Variants in JAK1 observed in about 807,000 individuals in gnomAD.
JAK1 encodes Janus kinase 1, also known as tyrosine-protein kinase JAK1.
A neutral mutation model predicts 136.6 loss-of-function variants in JAK1; 16 were observed. The observed-to-expected ratio is 0.12, with a 90% CI of 0.08 to 0.18. The LOEUF is 0.18. Ranked by LOEUF, JAK1 falls within the 10% of genes least tolerant of loss-of-function variation. The pLI is 1.00. For synonymous variants in JAK1, 492 were observed against 519.5 expected (o/e 0.95, Z 0.72); for missense variants, 859 against 1,450.1 (o/e 0.59, Z 6.62).
intron 2 of JAK1, among the ~76,000 whole-genome samples, chr1:64,981,971 A>G (rs1298020655): frequency 1.3e-5 from 2 of 152,186 alleles, no homozygotes; most frequent in Admixed American, 6.5e-5. Flanking sequence ...TGGAGATGTA[A>G]AAAGAAAGTT....
At chr1:64,933,625 T>G (rs6588107) in intron 1 of JAK1, among the ~76,000 whole-genome samples, 106,445 of 152,070 alleles carry the variant, frequency 0.7, 40,583 homozygotes, top group Middle Eastern at 0.92. Context: ...TGACACATCG[T>G]ATGCCCTTCT....
chr1:64,839,401 G>A (rs1391726676), intron 20 of JAK1: 1 of 412,886 alleles, frequency 2.4e-6, no homozygotes, highest in Middle Eastern at 5.4e-4. Context: ...CCTGGATGGA[G>A]GGGCCTGGGT....
chr1:64,968,137 T>G (rs918249192), upstream of JAK1, among the ~76,000 whole-genome samples: 2 of 151,804 alleles, frequency 1.3e-5, no homozygotes, highest in African/African-American at 4.8e-5. Context: ...CAGGTGAGGA[T>G]GTAAAGAAAA....
chr1:64,860,826 C>CTCTGTGTGTGTGTGTG (rs1362599251), intron 8 of JAK1, among the ~76,000 whole-genome samples: 54 of 120,550 alleles, frequency 4.5e-4, no homozygotes, highest in Admixed American at 1.1e-3. Flanking sequence ...TCAGATGACT[C>CTCTGTGTGTGTGTGTG]TGTGTGTGTG....
intron 2 of JAK1, 35 bp downstream of exon 2, chr1:64,886,224 A>C: frequency 7.2e-7 from 1 of 1,395,418 alleles, no homozygotes; most frequent in South Asian, 1.2e-5. Context: ...AAAGCCAGAT[A>C]TTTTCCTTTT....
intron 9 of JAK1, 61 bp from the exon 10 acceptor site, chr1:64,857,840 G>T: frequency 6.3e-7 from 1 of 1,596,600 alleles, no homozygotes; most frequent in Non-Finnish European, 8.6e-7. Context: ...TTGAACCTCT[G>T]GGCTATCCAC....
At chr1:64,910,412 T>C (rs1253697581) in intron 1 of JAK1, among the ~76,000 whole-genome samples, 2 of 152,198 alleles carry the variant, frequency 1.3e-5, no homozygotes, top group African/African-American at 4.8e-5. Flanking sequence ...AAAATGTTAT[T>C]TGAGGAATGA....
At chr1:64,882,977 A>G (rs1028376386) in intron 3 of JAK1, among the ~76,000 whole-genome samples, 1 of 152,030 alleles carries the variant, frequency 6.6e-6, no homozygotes, top group African/African-American at 2.4e-5. Context: ...ATGTGGGGAA[A>G]TGAGAACTGA....
In JAK1 at chr1:64,982,124, GCACAC is replaced by G. The variant is rs1557741669; in HGVS notation, c.-78+62351_-78+62355del. Reference sequence around the variant, plus strand: ...CACGCACACACACACGCACACACACGCACACACACACACATACAACCAGGGAAGCA... The same window carrying G: ...CACGCACACACACACGCACACACACGACACACACATACAACCAGGGAAGCA... On this transcript the variant is annotated intron_variant, in intron 2 of 25. Coordinates refer to the JAK1 transcript ENST00000671954. Among the ~76,000 whole-genome samples, 12 of 113,220 alleles carry G rather than the reference GCACAC, an allele frequency of 1.1e-4. No individual in the cohort carries two copies. The Admixed American group carries it at 1.1e-3, about 10-fold the overall frequency. 74.3% of individuals were successfully genotyped at this position (113,220 alleles called of 152,430 possible).
intron 1 of JAK1, among the ~76,000 whole-genome samples, chr1:64,936,668 G>A (rs1211105593): frequency 2.0e-5 from 3 of 152,152 alleles, no homozygotes; most frequent in Non-Finnish European, 4.4e-5. Flanking sequence ...CCACTTACTA[G>A]CTCTGTGATC....
intron 1 of JAK1, among the ~76,000 whole-genome samples, chr1:64,951,100 A>G (rs1199234434): frequency 2.6e-5 from 4 of 152,248 alleles, no homozygotes; most frequent in South Asian, 2.1e-4. Context: ...CCTGTTCTCC[A>G]TGACTTCTTA....
intron 2 of JAK1, among the ~76,000 whole-genome samples, chr1:65,018,904 G>C (rs576905717): frequency 3.3e-5 from 5 of 152,088 alleles, no homozygotes; most frequent in Admixed American, 6.5e-5. Context: ...CCAGCTACTC[G>C]GGAGGCTGAG....
chr1:64,900,457 G>T (rs951943494), intron 1 of JAK1, among the ~76,000 whole-genome samples: 6 of 152,124 alleles, frequency 3.9e-5, no homozygotes, highest in Non-Finnish European at 7.4e-5. Flanking sequence ...TTCATGAAGA[G>T]AAGAAAACAA....
intron 1 of JAK1, among the ~76,000 whole-genome samples, chr1:64,955,728 A>G (rs145252455): frequency 3.7e-4 from 57 of 152,354 alleles, no homozygotes; most frequent in African/African-American, 1.3e-3. Flanking sequence ...GCACATGGAC[A>G]TAGAGTGCGC....
chr1:64,861,134 G>A (rs1656310073), intron 8 of JAK1, among the ~76,000 whole-genome samples: 1 of 152,040 alleles, frequency 6.6e-6, no homozygotes, highest in African/African-American at 2.4e-5. Context: ...CCGTGATCTT[G>A]GCACTCAACG....
intron 1 of JAK1, among the ~76,000 whole-genome samples, chr1:64,955,737 G>A (rs568004920): frequency 2.6e-5 from 4 of 152,332 alleles, no homozygotes; most frequent in South Asian, 4.1e-4. Flanking sequence ...CATAGAGTGC[G>A]CAATGATAGA....
chr1:64,992,138 G>C (rs1055379711), intron 2 of JAK1: 1 of 152,284 alleles, frequency 6.6e-6, no homozygotes. Context: ...TCAGCACTTT[G>C]GGAGGCCGAG....
chr1:65,028,456 G>GAAGGAAGA (rs1486908581), intron 2 of JAK1, among the ~76,000 whole-genome samples: 1 of 123,444 alleles, frequency 8.1e-6, no homozygotes, highest in African/African-American at 3.1e-5. Context: ...GTGGCAAATG[G>GAAGGAAGA]AAGGAAGAAA....
chr1:64,939,387 A>C (rs1353595), intron 1 of JAK1, among the ~76,000 whole-genome samples: 32,069 of 152,236 alleles, frequency 0.21, 4,104 homozygotes, highest in East Asian at 0.53. Flanking sequence ...ATCAGTGCCA[A>C]CTTCCATACA....
Sources: gnomAD v4.1 joint callset for allele counts (sites outside exome capture counted in the v4.1 genomes callset) on GRCh38, gnomAD v4.1.1 for gene constraint, MANE v1.5 for transcripts, NCBI Gene and HGNC (gene_info 2026-07-23, HGNC 2026-07-21) for gene names.